Variants in ZNF385D observed in about 807,000 individuals in gnomAD.
The protein encoded by ZNF385D is zinc finger protein 385D.
ZNF385D carries 15 observed loss-of-function variants against 35.8 expected under a neutral mutation model. That is an observed-to-expected ratio of 0.42 (90% CI 0.28 to 0.64). ZNF385D has a LOEUF of 0.64. Ranked by LOEUF, ZNF385D falls within the 30% of genes least tolerant of loss-of-function variation. ZNF385D has a pLI of 0.23. For synonymous variants in ZNF385D, 212 were observed against 186.8 expected (o/e 1.13, Z -1.10); for missense variants, 474 against 494.6 (o/e 0.96, Z 0.39).
chr3:21,990,082 T>C (rs543128861), intron 3 of ZNF385D, among the ~76,000 whole-genome samples: 122 of 152,354 alleles, frequency 8.0e-4, no homozygotes, highest in African/African-American at 2.7e-3. Flanking sequence ...GATTCTGCTA[T>C]TGTTTCACAG....
intron 3 of ZNF385D, among the ~76,000 whole-genome samples, chr3:21,876,683 T>A (rs1002578946): frequency 2.6e-5 from 4 of 151,224 alleles, no homozygotes; most frequent in African/African-American, 7.3e-5. Flanking sequence ...AGAACAAGTT[T>A]TCTTATATTT....
At chr3:21,819,416 G>T (rs931413470) in intron 3 of ZNF385D, among the ~76,000 whole-genome samples, 1 of 151,018 alleles carries the variant, frequency 6.6e-6, no homozygotes, top group Non-Finnish European at 1.5e-5. Flanking sequence ...GTAAAACGGT[G>T]AGAAAGTACA....
intron 3 of ZNF385D, among the ~76,000 whole-genome samples, chr3:22,153,695 C>G (rs1705410751): frequency 6.6e-6 from 1 of 151,976 alleles, no homozygotes; most frequent in Non-Finnish European, 1.5e-5. Context: ...AACTCCTGAC[C>G]TCAAGTGATC....
At chr3:22,103,689 T>C (rs771117428) in intron 3 of ZNF385D, among the ~76,000 whole-genome samples, 1 of 135,076 alleles carries the variant, frequency 7.4e-6, no homozygotes, top group Non-Finnish European at 1.7e-5. Flanking sequence ...GACACGTTAG[T>C]ACTGTGTCAA....
At chr3:21,679,910 T>G (rs924355003) in intron 1 of ZNF385D, among the ~76,000 whole-genome samples, 12 of 152,216 alleles carry the variant, frequency 7.9e-5, no homozygotes, top group African/African-American at 2.6e-4. Flanking sequence ...AGTATATGTC[T>G]TTTAAACTGG....
chr3:22,323,025 G>T (rs938195312), intron 2 of ZNF385D, among the ~76,000 whole-genome samples: 2 of 152,064 alleles, frequency 1.3e-5, no homozygotes, highest in African/African-American at 4.8e-5. Flanking sequence ...TCCTGAAAAC[G>T]ATAGAAAGCA....
chr3:22,113,511 T>C (rs1702646595), intron 3 of ZNF385D, among the ~76,000 whole-genome samples: 1 of 152,054 alleles, frequency 6.6e-6, no homozygotes, highest in African/African-American at 2.4e-5. Flanking sequence ...AGAAATTAGA[T>C]CTATAATAAA....
intron 3 of ZNF385D, among the ~76,000 whole-genome samples, chr3:21,982,714 G>C (rs1040698445): frequency 1.3e-5 from 2 of 152,066 alleles, no homozygotes; most frequent in African/African-American, 4.8e-5. Context: ...AACATTGACT[G>C]TGGATTTGTC....
intron 3 of ZNF385D, among the ~76,000 whole-genome samples, chr3:21,896,226 C>T (rs370892132): frequency 3.3e-5 from 5 of 152,060 alleles, no homozygotes; most frequent in Non-Finnish European, 5.9e-5. Context: ...ATCACCTGAA[C>T]AGTTTACATG....
At chr3:21,693,531 T>A (rs541859009) in intron 1 of ZNF385D, among the ~76,000 whole-genome samples, 1 of 152,220 alleles carries the variant, frequency 6.6e-6, no homozygotes, top group Non-Finnish European at 1.5e-5. Context: ...AGCTTTGCCA[T>A]TTTTAAGCTG....
intron 1 of ZNF385D, among the ~76,000 whole-genome samples, chr3:21,694,701 G>A (rs936611346): frequency 6.6e-6 from 1 of 152,100 alleles, no homozygotes. Flanking sequence ...TTGGGTGTTC[G>A]AACATGTGAC....
At chr3:21,922,894 G>T (rs1297982053) in intron 3 of ZNF385D, among the ~76,000 whole-genome samples, 1 of 152,098 alleles carries the variant, frequency 6.6e-6, no homozygotes. Context: ...TCTGACCAAG[G>T]TCTAATATGG....
intron 2 of ZNF385D, among the ~76,000 whole-genome samples, chr3:22,335,008 A>G (rs1695100770): frequency 6.6e-6 from 1 of 152,186 alleles, no homozygotes. Context: ...AATATTAAGT[A>G]GCATTCTATG....
chr3:21,951,695 C>T (rs1401738334), intron 3 of ZNF385D, among the ~76,000 whole-genome samples: 1 of 151,606 alleles, frequency 6.6e-6, no homozygotes, highest in African/African-American at 2.4e-5. Context: ...GGTGCACCTA[C>T]ATGGTCTTTA....
chr3:22,082,776 C>A (rs1033706509), intron 3 of ZNF385D, among the ~76,000 whole-genome samples: 2 of 152,172 alleles, frequency 1.3e-5, no homozygotes, highest in African/African-American at 4.8e-5. Context: ...CCCCGTGTAG[C>A]CTAACTGGGA....
At chr3:21,671,443 C>A (rs913829237) in intron 1 of ZNF385D, among the ~76,000 whole-genome samples, 1 of 152,200 alleles carries the variant, frequency 6.6e-6, no homozygotes. Flanking sequence ...TTTAATATAT[C>A]TATTCATTAA....
intron 3 of ZNF385D, among the ~76,000 whole-genome samples, chr3:21,765,479 T>G (rs1045309813): frequency 1.3e-5 from 2 of 152,086 alleles, no homozygotes; most frequent in Non-Finnish European, 2.9e-5. Context: ...ATGACTTGTG[T>G]GGCCTAGCTT....
intron 4 of ZNF385D, among the ~76,000 whole-genome samples, chr3:21,440,411 G>GT (rs1701800110): frequency 6.6e-6 from 1 of 152,014 alleles, no homozygotes; most frequent in Non-Finnish European, 1.5e-5. Context: ...TTCCTGACCA[G>GT]TACTCCTCAA....
intron 3 of ZNF385D, among the ~76,000 whole-genome samples, chr3:22,035,177 T>C (rs1297777830): frequency 6.6e-6 from 1 of 152,200 alleles, no homozygotes; most frequent in Non-Finnish European, 1.5e-5. Context: ...ACTTGTATCA[T>C]TTAGTTTGAT....
Sources: allele counts gnomAD v4.1 joint callset (sites outside exome capture counted in the v4.1 genomes callset), GRCh38; gene constraint gnomAD v4.1.1; transcripts MANE v1.5; gene names NCBI Gene and HGNC (gene_info 2026-07-23, HGNC 2026-07-21).